DCLK2: variants seen among roughly 807,000 people sequenced by gnomAD.
DCLK2 encodes the protein serine/threonine-protein kinase DCLK2.
Under a neutral mutation model 78.4 loss-of-function variants are expected in DCLK2, and 31 were observed. That is an observed-to-expected ratio of 0.40 (90% CI 0.30 to 0.53). The LOEUF is 0.53. Among genes scored for constraint, DCLK2 ranks in the 20% least tolerant of loss-of-function variants. The pLI is 0.61. For missense variants in DCLK2, 872 were observed against 973.7 expected, an observed-to-expected ratio of 0.90 and a Z score of 1.39; for synonymous variants, 407 against 374.9, an observed-to-expected ratio of 1.09 and a Z score of -0.99.
At chr4:150,143,116 A>G (rs374433448) in intron 2 of DCLK2, among the ~76,000 whole-genome samples, 1 of 152,106 alleles carries the variant, frequency 6.6e-6, no homozygotes, top group African/African-American at 2.4e-5. Context: ...ACATGATTTC[A>G]TTCTTTTTCA....
chr4:150,240,551 T>C, intron 12 of DCLK2, 75 bp downstream of exon 12: 1 of 1,361,346 alleles, frequency 7.3e-7, no homozygotes, highest in Non-Finnish European at 1.0e-6. Context: ...ACTTTGCTCC[T>C]GGAAGTCGGG....
At chr4:150,142,956 C>A (rs761288141) in intron 2 of DCLK2, among the ~76,000 whole-genome samples, 2 of 152,012 alleles carry the variant, frequency 1.3e-5, no homozygotes, top group African/African-American at 2.4e-5. Flanking sequence ...TTTGAGTCCC[C>A]AGTGTCTGTT....
intron 5 of DCLK2, 69 bp downstream of exon 5, chr4:150,203,958 A>G (rs944828458): frequency 1.4e-6 from 2 of 1,455,432 alleles, no homozygotes; most frequent in African/African-American, 2.8e-5. Flanking sequence ...TAGCAGTTTA[A>G]TTTGTTTGGG....
intron 2 of DCLK2, among the ~76,000 whole-genome samples, chr4:150,103,437 A>G (rs933098198): frequency 6.6e-6 from 1 of 152,210 alleles, no homozygotes; most frequent in Non-Finnish European, 1.5e-5. Context: ...GCATATTGCA[A>G]AAACACATGA....
At chr4:150,248,826 C>T (rs917849509) in intron 14 of DCLK2, among the ~76,000 whole-genome samples, 4 of 152,096 alleles carry the variant, frequency 2.6e-5, no homozygotes, top group Admixed American at 2.0e-4. Context: ...GAGACAGGAT[C>T]GCTTCAGAGC....
chr4:150,130,949 G>A (rs1158179662), intron 2 of DCLK2, among the ~76,000 whole-genome samples: 1 of 152,112 alleles, frequency 6.6e-6, no homozygotes, highest in Non-Finnish European at 1.5e-5. Context: ...ATAAGTCCTG[G>A]TTTCCTAAGG....
intron 2 of DCLK2, among the ~76,000 whole-genome samples, chr4:150,128,942 G>C (rs2150193917): frequency 6.6e-6 from 1 of 152,232 alleles, no homozygotes; most frequent in South Asian, 2.1e-4. Flanking sequence ...AGAAGTTTGT[G>C]GCAGAACAGA....
At chr4:150,126,036 T>G (rs1732898609) in intron 2 of DCLK2, among the ~76,000 whole-genome samples, 3 of 152,222 alleles carry the variant, frequency 2.0e-5, no homozygotes. Flanking sequence ...GTTACAGTTA[T>G]GCAATAAATT....
chr4:150,239,868 G>A lies in DCLK2; in HGVS notation c.1693G>A (p.Glu565Lys). ...TTATGTGGCTCCAGAAATCATTGCT[G>A]AAACTGGGTAAGACTTCTGGTGGCC... is the stretch of plus-strand genomic sequence containing the variant. The part of the protein sequence containing the change: ...PTYVAPEIIA[E>K]TGYGLKVDIW... The change falls in exon 11 of 16, where the codon GAA (glutamate) becomes AAA (lysine). Residue 565 changes from glutamate (E) to lysine (K), a missense_variant. Physicochemically the swap from Glu to Lys is moderately conservative, Grantham distance 56 (BLOSUM62 1). Around this residue, in one of 3 missense-constraint regions of DCLK2, gnomAD observed 86 missense variants for 150.3 expected, o/e 0.57. Coordinates refer to ENST00000296550, the MANE Select transcript of DCLK2 (RefSeq NM_001040260.4). 6.2e-7 allele frequency: 1 copy of A among 1,614,012 alleles called. No homozygotes were observed. Among genetic ancestry groups the A allele is most frequent in the Non-Finnish European group, 8.5e-7 (1 of 1,179,994 alleles).
Position 150,078,930 on chromosome 4 carries a change from C to T in DCLK2, c.-98C>T. 5.8e-6 allele frequency: 8 copies of T among 1,377,400 alleles called. No homozygotes were observed. In the South Asian group the frequency reaches 1.3e-4, roughly 23 times the overall value. The allele number at this position is 1,377,400 out of a possible 1,614,324, so 85.3% of individuals were successfully genotyped here. ...GGGATGCCAGAGCCAGGTGTCCCGG[C>T]GCGTTAAGGGCCCTCGCAGTCAGAC... On this transcript the variant is annotated 5_prime_UTR_variant, in exon 1 of 16. Coordinates refer to ENST00000296550, the MANE Select transcript of DCLK2 (RefSeq NM_001040260.4).
intron 4 of DCLK2, among the ~76,000 whole-genome samples, chr4:150,201,970 C>CTG (rs1212722795): frequency 1.3e-5 from 2 of 152,154 alleles, no homozygotes; most frequent in Non-Finnish European, 2.9e-5. Flanking sequence ...TACACATTTT[C>CTG]TGTGTACCTC....
chr4:150,235,934 G>T (rs1458160072), intron 10 of DCLK2, among the ~76,000 whole-genome samples: 1 of 152,214 alleles, frequency 6.6e-6, no homozygotes, highest in Admixed American at 6.5e-5. Flanking sequence ...GGCCGTTAAT[G>T]CTGTGAGTTA....
chr4:150,242,652 C>T (rs977539046), intron 12 of DCLK2, among the ~76,000 whole-genome samples: 45 of 152,114 alleles, frequency 3.0e-4, no homozygotes, highest in Non-Finnish European at 5.9e-5. Flanking sequence ...CATGCAGGGG[C>T]TGTCCTGGGC....
At chr4:150,254,715 C>T (rs770810954) in intron 15 of DCLK2, among the ~76,000 whole-genome samples, 3 of 152,120 alleles carry the variant, frequency 2.0e-5, no homozygotes, top group Non-Finnish European at 2.9e-5. Flanking sequence ...GGATCTTGCT[C>T]TGTTGCCCAG....
chr4:150,137,471 A>T (rs1490759647), intron 2 of DCLK2, among the ~76,000 whole-genome samples: 1 of 151,980 alleles, frequency 6.6e-6, no homozygotes, highest in Admixed American at 6.6e-5. Flanking sequence ...CCTACAAAGG[A>T]CATGTATACA....
At chr4:150,182,172 C>T (rs1326231913) in intron 2 of DCLK2, among the ~76,000 whole-genome samples, 2 of 151,988 alleles carry the variant, frequency 1.3e-5, no homozygotes, top group Admixed American at 6.6e-5. Context: ...CTCTGCCTCT[C>T]AGTAGCTGGG....
chr4:150,175,878 T>G (rs1458328112), intron 2 of DCLK2, among the ~76,000 whole-genome samples: 2 of 152,136 alleles, frequency 1.3e-5, no homozygotes, highest in African/African-American at 4.8e-5. Context: ...ACCGTGCTCC[T>G]TCCTAACTCT....
At chr4:150,249,052 C>T (rs555667281) in intron 14 of DCLK2, among the ~76,000 whole-genome samples, 4 of 152,254 alleles carry the variant, frequency 2.6e-5, no homozygotes, top group Non-Finnish European at 2.9e-5. Flanking sequence ...AATGCCCCAC[C>T]CACCCACCAT....
At chr4:150,163,572 A>G (rs1735860875) in intron 2 of DCLK2, among the ~76,000 whole-genome samples, 1 of 152,124 alleles carries the variant, frequency 6.6e-6, no homozygotes, top group African/African-American at 2.4e-5. Flanking sequence ...CTCTGAGCCC[A>G]TTTCCTTGTC....
Sources: allele counts gnomAD v4.1 joint callset (sites outside exome capture counted in the v4.1 genomes callset), GRCh38; gene constraint gnomAD v4.1.1; regional missense constraint gnomAD v4.1.1; transcripts MANE v1.5; gene names NCBI Gene and HGNC (gene_info 2026-07-23, HGNC 2026-07-21).